Variants in ARHGEF38 observed in about 807,000 individuals in gnomAD.
The protein encoded by ARHGEF38 is Rho guanine nucleotide exchange factor 38, also known as Rho guanine nucleotide exchange factor (GEF) 38.
In ARHGEF38, 79 loss-of-function variants were observed where a neutral mutation model predicts 79.9. The observed-to-expected ratio is 0.99, with a 90% CI of 0.82 to 1.19. ARHGEF38 has a LOEUF of 1.19. Ranked by LOEUF, ARHGEF38 falls within the 50% of genes most tolerant of loss-of-function variation. The pLI, the probability that ARHGEF38 is intolerant of heterozygous loss-of-function variation, is 0.00. For missense variants in ARHGEF38, 962 were observed against 907.2 expected (o/e 1.06, Z -0.78); for synonymous variants, 366 against 328.3 (o/e 1.11, Z -1.24).
chr4:105,588,772 G>A (rs1727175260), intron 1 of ARHGEF38, among the ~76,000 whole-genome samples: 1 of 152,122 alleles, frequency 6.6e-6, no homozygotes, highest in Non-Finnish European at 1.5e-5. Flanking sequence ...TCATGCAATT[G>A]TTTTCCATTT....
chr4:105,677,590 G>A (rs1432237481), intron 13 of ARHGEF38, among the ~76,000 whole-genome samples, 162 bp from the exon 14 acceptor site: 2 of 152,086 alleles, frequency 1.3e-5, no homozygotes, highest in African/African-American at 2.4e-5. Flanking sequence ...TCTCACCTGG[G>A]TTATATTTTA....
At chr4:105,557,634 C>T (rs967350551) in intron 1 of ARHGEF38, among the ~76,000 whole-genome samples, 2 of 150,060 alleles carry the variant, frequency 1.3e-5, no homozygotes, top group African/African-American at 2.4e-5. Context: ...GAGCTTGCTT[C>T]TCTCTGCTCT....
chr4:105,577,390 A>ATCCTT (rs1726558393), intron 1 of ARHGEF38, among the ~76,000 whole-genome samples: 1 of 150,572 alleles, frequency 6.6e-6, no homozygotes, highest in South Asian at 2.1e-4. Context: ...TTTTTATTAT[A>ATCCTT]TCCTTTCCTG....
intron 13 of ARHGEF38, among the ~76,000 whole-genome samples, chr4:105,668,129 G>A (rs561933857): frequency 3.3e-5 from 5 of 152,040 alleles, no homozygotes; most frequent in Admixed American, 3.3e-4. Flanking sequence ...TCTAGTAATT[G>A]GCCAGTTTTA....
chr4:105,571,651 A>G (rs571665013), intron 1 of ARHGEF38, among the ~76,000 whole-genome samples: 13 of 152,160 alleles, frequency 8.5e-5, no homozygotes, highest in African/African-American at 2.9e-4. Flanking sequence ...AAGATTTTTG[A>G]TATTTTGCGT....
intron 13 of ARHGEF38, among the ~76,000 whole-genome samples, chr4:105,669,490 T>A (rs956952036): frequency 6.6e-6 from 1 of 152,196 alleles, no homozygotes; most frequent in African/African-American, 2.4e-5. Context: ...TTTATAGACA[T>A]TGCCATACTG....
intron 11 of ARHGEF38, 55 bp downstream of exon 11, chr4:105,666,375 A>T: frequency 1.4e-6 from 2 of 1,441,018 alleles, no homozygotes; most frequent in Non-Finnish European, 1.8e-6. Flanking sequence ...GCCTTATCCA[A>T]GTTGTAGTAT....
At chr4:105,606,427 C>T (rs760536664) in intron 2 of ARHGEF38, among the ~76,000 whole-genome samples, 55 of 151,732 alleles carry the variant, frequency 3.6e-4, no homozygotes, top group Non-Finnish European at 7.5e-4. Flanking sequence ...AATTAAGAGC[C>T]CAAAAATATA....
chr4:105,585,818 GC>G (rs1171715693), intron 1 of ARHGEF38, among the ~76,000 whole-genome samples: 3 of 121,520 alleles, frequency 2.5e-5, no homozygotes, highest in Non-Finnish European at 3.2e-5. Context: ...TGCAATCTCC[GC>G]CTGGTGGGTT....
intron 7 of ARHGEF38, among the ~76,000 whole-genome samples, 153 bp from the exon 8 acceptor site, chr4:105,653,912 G>T (rs1730214483): frequency 6.6e-6 from 1 of 152,206 alleles, no homozygotes; most frequent in Non-Finnish European, 1.5e-5. Flanking sequence ...TACCAACAGA[G>T]AAAGTATGTG....
At chr4:105,609,616 A>G (rs1360641769) in intron 2 of ARHGEF38, among the ~76,000 whole-genome samples, 5 of 152,138 alleles carry the variant, frequency 3.3e-5, no homozygotes, top group African/African-American at 1.2e-4. Context: ...CTTAAAATTT[A>G]TATGCAACCA....
At chr4:105,645,445 T>C in intron 6 of ARHGEF38, 58 bp downstream of exon 6, 1 of 1,364,574 alleles carries the variant, frequency 7.3e-7, no homozygotes, top group African/African-American at 1.5e-5. Context: ...TGCTTTATGT[T>C]TCTGAGAATC....
At chr4:105,591,260 G>A (rs756139383) in intron 2 of ARHGEF38, among the ~76,000 whole-genome samples, 14 of 151,856 alleles carry the variant, frequency 9.2e-5, no homozygotes, top group African/African-American at 1.2e-4. Flanking sequence ...ACAGAGTCTC[G>A]CTCTGTCACC....
chr4:105,658,864 C>T (rs551115353), intron 9 of ARHGEF38, among the ~76,000 whole-genome samples, 190 bp from the exon 10 acceptor site: 1 of 152,146 alleles, frequency 6.6e-6, no homozygotes, highest in Admixed American at 6.5e-5. Flanking sequence ...CAACCTAGAG[C>T]TCCTGTTTTA....
intron 2 of ARHGEF38, among the ~76,000 whole-genome samples, chr4:105,609,076 A>G (rs951527108): frequency 9.2e-5 from 14 of 152,062 alleles, no homozygotes; most frequent in African/African-American, 3.4e-4. Context: ...CCAAAACATA[A>G]TTGCACAGAC....
At chr4:105,634,643 C>A (rs1413129240) in intron 4 of ARHGEF38, among the ~76,000 whole-genome samples, 1 of 152,052 alleles carries the variant, frequency 6.6e-6, no homozygotes. Flanking sequence ...TTTATAAATA[C>A]CACTAAAGTC....
In ARHGEF38 at chr4:105,679,168, T is replaced by C. The variant is rs2149172346; in HGVS notation, c.*1231T>C. The stretch of plus-strand genomic sequence containing the variant: ...TTGTCGACTCTCTCTACCTGACCAA[T>C]TGCCAGATCGACAACCTGACTGGCC... On this transcript the variant is annotated 3_prime_UTR_variant, in exon 14 of 14. Coordinates refer to ENST00000420470, the MANE Select transcript of ARHGEF38 (RefSeq NM_001242729.2). 4.9e-6 allele frequency: 3 copies of C among 614,744 alleles called. No homozygotes were observed. The highest frequency in any genetic ancestry group is 5.7e-6 in the Non-Finnish European group (2 of 348,976). 38.1% of individuals were successfully genotyped at this position (614,744 alleles called of 1,614,324 possible).
chr4:105,616,723 A>G (rs1728525970), intron 3 of ARHGEF38, among the ~76,000 whole-genome samples: 1 of 152,138 alleles, frequency 6.6e-6, no homozygotes, highest in South Asian at 2.1e-4. Flanking sequence ...CACACAAAAT[A>G]CCATCCATCA....
At chr4:105,584,900 G>T (rs1419294854) in intron 1 of ARHGEF38, among the ~76,000 whole-genome samples, 3 of 152,158 alleles carry the variant, frequency 2.0e-5, no homozygotes, top group African/African-American at 7.2e-5. Context: ...GCCTTTGGGT[G>T]CTGTTGCACT....
Sources: allele counts gnomAD v4.1 joint callset (sites outside exome capture counted in the v4.1 genomes callset), GRCh38; gene constraint gnomAD v4.1.1; transcripts MANE v1.5; gene names NCBI Gene and HGNC (gene_info 2026-07-23, HGNC 2026-07-21).